Variants in VGLL4 observed in about 807,000 individuals in gnomAD.
The protein encoded by VGLL4 is vestigial like family member 4.
In VGLL4, 7 loss-of-function variants were observed where a neutral mutation model predicts 21.0. The ratio of observed to expected loss-of-function variants is 0.33; its 90% CI spans 0.19 to 0.63. The LOEUF (loss-of-function observed/expected upper bound fraction) is 0.63, where lower values mean the gene tolerates loss of function less well. Ranked by LOEUF, VGLL4 falls within the 20% of genes least tolerant of loss-of-function variation. VGLL4 has a pLI of 0.78. For synonymous variants in VGLL4, 222 were observed against 173.2 expected (o/e 1.28, Z -2.21); for missense variants, 394 against 425.7 (o/e 0.93, Z 0.66).
upstream of VGLL4, among the ~76,000 whole-genome samples, chr3:11,645,128 C>T (rs2075768541): frequency 6.7e-6 from 1 of 148,416 alleles, no homozygotes; most frequent in Non-Finnish European, 1.5e-5. Context: ...AAACTGTTTA[C>T]TGAACGAGTG....
chr3:11,663,108 A>G (rs549264267), intron 2 of VGLL4, among the ~76,000 whole-genome samples: 1 of 152,302 alleles, frequency 6.6e-6, no homozygotes, highest in African/African-American at 2.4e-5. Context: ...AAACAACATG[A>G]GCCAGGAGTT....
At chr3:11,715,320 G>A (rs1575558297) in intron 1 of VGLL4, among the ~76,000 whole-genome samples, 2 of 152,106 alleles carry the variant, frequency 1.3e-5, no homozygotes, top group Admixed American at 1.3e-4. Flanking sequence ...ATTACCATCA[G>A]TAAATATTAT....
intron 2 of VGLL4, among the ~76,000 whole-genome samples, chr3:11,658,723 A>G (rs1326753806): frequency 6.6e-6 from 1 of 151,976 alleles, no homozygotes; most frequent in Non-Finnish European, 1.5e-5. Context: ...TCATAAATGC[A>G]TATTTAGTTA....
intron 2 of VGLL4, among the ~76,000 whole-genome samples, chr3:11,575,113 G>A (rs1174996252): frequency 6.6e-6 from 1 of 152,174 alleles, no homozygotes; most frequent in Non-Finnish European, 1.5e-5. Context: ...GAGGTGGAGG[G>A]ATCTGCCTGG....
intron 1 of VGLL4, among the ~76,000 whole-genome samples, chr3:11,708,935 G>A (rs2076799114): frequency 6.6e-6 from 1 of 151,926 alleles, no homozygotes; most frequent in East Asian, 1.9e-4. Context: ...GGTGGTGATG[G>A]CACCGGTAAT....
At chr3:11,597,904 A>G (rs1391546504) in intron 2 of VGLL4, among the ~76,000 whole-genome samples, 1 of 152,214 alleles carries the variant, frequency 6.6e-6, no homozygotes, top group African/African-American at 2.4e-5. Context: ...ACCAGGTCCT[A>G]AGAGGCTGGA....
intron 2 of VGLL4, among the ~76,000 whole-genome samples, chr3:11,579,098 G>A (rs1264465559): frequency 6.6e-6 from 1 of 151,810 alleles, no homozygotes; most frequent in East Asian, 1.9e-4. Context: ...CCTTCCTCCT[G>A]AGAGCCAATC....
At chr3:11,697,273 G>GTT (rs376466335) in intron 2 of VGLL4, among the ~76,000 whole-genome samples, 58 of 137,312 alleles carry the variant, frequency 4.2e-4, no homozygotes, top group Admixed American at 9.5e-4. Context: ...GCTAATTGTG[G>GTT]TTTTTTTTTT....
chr3:11,602,090 C>G, intron 1 of VGLL4, 68 bp from the exon 2 acceptor site: 2 of 1,393,576 alleles, frequency 1.4e-6, no homozygotes, highest in Non-Finnish European at 1.9e-6. Flanking sequence ...CCCAGGCTCC[C>G]CGCCCGCCCA....
chr3:11,686,106 T>C (rs995884913), intron 2 of VGLL4, among the ~76,000 whole-genome samples: 3 of 152,194 alleles, frequency 2.0e-5, no homozygotes, highest in Admixed American at 2.0e-4. Flanking sequence ...CCAGTCTCTA[T>C]GGAAAACAGT....
chr3:11,610,547 C>G (rs2075041569), intron 1 of VGLL4: 1 of 152,320 alleles, frequency 6.6e-6, no homozygotes, highest in Non-Finnish European at 1.5e-5. Flanking sequence ...TCGTGCAGAG[C>G]CTGACCTCGC....
At chr3:11,671,497 A>C (rs1247936977) in intron 2 of VGLL4, 1 of 648,562 alleles carries the variant, frequency 1.5e-6, no homozygotes, top group Non-Finnish European at 2.8e-6. Context: ...AAATCCATGC[A>C]TACTCAAGTT....
intron 2 of VGLL4, among the ~76,000 whole-genome samples, chr3:11,575,009 G>A (rs2073994488): frequency 6.6e-6 from 1 of 152,112 alleles, no homozygotes; most frequent in Non-Finnish European, 1.5e-5. Flanking sequence ...TAAAGCCGCA[G>A]ATCTTTTCAT....
intron 2 of VGLL4, among the ~76,000 whole-genome samples, chr3:11,654,094 C>G (rs1046836243): frequency 6.6e-6 from 1 of 152,096 alleles, no homozygotes; most frequent in Non-Finnish European, 1.5e-5. Context: ...CCCACCACCA[C>G]CACCACAACA....
upstream of VGLL4, among the ~76,000 whole-genome samples, chr3:11,647,425 T>A (rs1373830003): frequency 1.3e-5 from 2 of 152,154 alleles, no homozygotes; most frequent in East Asian, 3.9e-4. Context: ...CGCCAAGCTA[T>A]CCTTTTACAG....
At chr3:11,675,281 G>A (rs868613455) in intron 2 of VGLL4, among the ~76,000 whole-genome samples, 11 of 152,176 alleles carry the variant, frequency 7.2e-5, no homozygotes, top group African/African-American at 2.4e-4. Flanking sequence ...AGCAGAGGGC[G>A]CAGTGAGCCG....
At chr3:11,587,540 A>G (rs531872329) in intron 2 of VGLL4, among the ~76,000 whole-genome samples, 39 of 152,376 alleles carry the variant, frequency 2.6e-4, no homozygotes, top group African/African-American at 7.9e-4. Context: ...ACAATCTACT[A>G]GAAAACAGCC....
chr3:11,558,855 C>CA (rs1205766994), intron 4 of VGLL4, 28 bp from the exon 5 acceptor site: 9 of 1,606,372 alleles, frequency 5.6e-6, no homozygotes, highest in Non-Finnish European at 6.0e-6. Context: ...GGCAGGCAGT[C>CA]AGACACAGGT....
chr3:11,564,842 CCTG>C lies in VGLL4; in HGVS notation c.447_449del (p.Ser149del). On this transcript the variant is annotated inframe_deletion, in exon 3 of 5. Transcript: ENST00000430365. ...TCAGTGTGGGCGAGAGGCCGGCTGG[CCTG>C]CTGGCGTCCAGGCTGTTCTTGGTCA... 2 of 1,601,184 alleles carry C rather than the reference CCTG, an allele frequency of 1.2e-6. No homozygotes were observed. Among genetic ancestry groups the C allele is most frequent in the Non-Finnish European group, 1.7e-6 (2 of 1,175,264 alleles).
Sources: allele counts gnomAD v4.1 joint callset (sites outside exome capture counted in the v4.1 genomes callset), GRCh38; gene constraint gnomAD v4.1.1; transcripts MANE v1.5; gene names NCBI Gene and HGNC (gene_info 2026-07-23, HGNC 2026-07-21).